WDFY2: variants seen among roughly 807,000 people sequenced by gnomAD.
WDFY2 encodes WD repeat and FYVE domain-containing protein 2.
WDFY2 carries 36 observed loss-of-function variants against 56.4 expected under a neutral mutation model. The ratio of observed to expected loss-of-function variants is 0.64; its 90% CI spans 0.49 to 0.84. The LOEUF is 0.84. WDFY2 is among the 40% of genes least tolerant of loss of function. WDFY2 has a pLI of 0.00. For missense variants in WDFY2, 444 were observed against 512.2 expected (o/e 0.87, Z 1.29); for synonymous variants, 176 against 183.7 (o/e 0.96, Z 0.34).
chr13:51,673,677 C>A (rs1240567983), intron 2 of WDFY2, among the ~76,000 whole-genome samples: 1 of 151,894 alleles, frequency 6.6e-6, no homozygotes, highest in Non-Finnish European at 1.5e-5. Flanking sequence ...GATTATGAGA[C>A]CCGGCATCTT....
chr13:51,715,827 C>T (rs1005294903), intron 4 of WDFY2, among the ~76,000 whole-genome samples: 2 of 152,180 alleles, frequency 1.3e-5, no homozygotes, highest in Non-Finnish European at 2.9e-5. Context: ...AGAACAGCCA[C>T]GCCCTTTCAG....
At chr13:51,643,071 T>A (rs1305538725) in intron 1 of WDFY2, among the ~76,000 whole-genome samples, 3 of 152,214 alleles carry the variant, frequency 2.0e-5, no homozygotes, top group Non-Finnish European at 4.4e-5. Context: ...TCCTTTTTTT[T>A]AAATTGTAAA....
chr13:51,724,231 CTTT>C (rs529903671), intron 5 of WDFY2, among the ~76,000 whole-genome samples: 1 of 107,986 alleles, frequency 9.3e-6, no homozygotes, highest in Admixed American at 9.9e-5. Flanking sequence ...TCTTTTTTAA[CTTT>C]TTTTTTTTTT....
intron 1 of WDFY2, among the ~76,000 whole-genome samples, chr13:51,654,560 T>C (rs552699312): frequency 2.4e-4 from 36 of 152,176 alleles, no homozygotes; most frequent in African/African-American, 7.0e-4. Context: ...AGACTTTTTT[T>C]CCCCCAATAC....
intron 3 of WDFY2, among the ~76,000 whole-genome samples, chr13:51,687,763 A>G (rs1238795836): frequency 6.6e-6 from 1 of 152,162 alleles, no homozygotes; most frequent in African/African-American, 2.4e-5. Flanking sequence ...AAGAAGGATA[A>G]AATGATCTGA....
chr13:51,625,081 C>G (rs1001231525), intron 1 of WDFY2, among the ~76,000 whole-genome samples: 1 of 152,144 alleles, frequency 6.6e-6, no homozygotes, highest in Non-Finnish European at 1.5e-5. Flanking sequence ...TGACAGCTAA[C>G]TAGGTGCAGG....
In WDFY2 at chr13:51,650,550, T is replaced by C. The variant is rs562196726; in HGVS notation, c.138-10046T>C. ...ATTCAGTATGATATTGGCTGTGGGTTTGTCATAAATAGCTCTTATTATTTT... is the reference window on the plus strand; with the variant it reads ...ATTCAGTATGATATTGGCTGTGGGTCTGTCATAAATAGCTCTTATTATTTT... On this transcript the variant is annotated intron_variant, in intron 1 of 11. Transcript: ENST00000298125. Among the ~76,000 whole-genome samples, 167 of 152,130 alleles carry C rather than the reference T, an allele frequency of 1.1e-3. 2 individuals carry two copies. Among genetic ancestry groups the C allele is most frequent in the African/African-American group, 3.9e-3 (163 of 41,406 alleles).
intron 1 of WDFY2, among the ~76,000 whole-genome samples, chr13:51,612,090 A>G (rs1593876569): frequency 6.6e-6 from 1 of 152,236 alleles, no homozygotes; most frequent in East Asian, 1.9e-4. Flanking sequence ...CCTAATTCAT[A>G]TTGATATCAT....
intron 1 of WDFY2, chr13:51,593,816 C>G (rs1954095907): frequency 6.6e-6 from 1 of 152,082 alleles, no homozygotes. Flanking sequence ...TGTTATATAT[C>G]CAGATATATC....
At chr13:51,594,266 C>T (rs778716904) in intron 1 of WDFY2, 2 of 152,082 alleles carry the variant, frequency 1.3e-5, no homozygotes, top group Non-Finnish European at 2.9e-5. Context: ...TTGAAAGTAA[C>T]GCTTTTCCTA....
At chr13:51,708,128 T>C (rs1952127531) in intron 4 of WDFY2, among the ~76,000 whole-genome samples, 1 of 151,480 alleles carries the variant, frequency 6.6e-6, no homozygotes. Flanking sequence ...GCGATCCACC[T>C]GCCTTGGCTT....
At chr13:51,745,950 C>CTTTTCTTTTTCT (rs1306519420) in intron 7 of WDFY2, among the ~76,000 whole-genome samples, 1 of 139,620 alleles carries the variant, frequency 7.2e-6, no homozygotes, top group East Asian at 2.0e-4. Flanking sequence ...TTGCACTGGA[C>CTTTTCTTTTTCT]TTTTCTTTTT....
rs150469036 is a variant in WDFY2, at chr13:51,664,856, A to G, written c.205+4193A>G. 2.6e-5 allele frequency among the ~76,000 whole-genome samples: 4 copies of G among 152,354 alleles called. No individual in the cohort carries two copies. In the East Asian group the frequency reaches 7.7e-4, roughly 29 times the overall value. Reference sequence around the variant, plus strand: ...AAAGGTGAGGGCATGTAAAGAAGGAAAACAAAAAGTAGTATTTGATCTTGT... The same window carrying G: ...AAAGGTGAGGGCATGTAAAGAAGGAGAACAAAAAGTAGTATTTGATCTTGT... On this transcript the variant is annotated intron_variant, in intron 2 of 11. Coordinates refer to ENST00000298125, the MANE Select transcript of WDFY2 (RefSeq NM_052950.4).
At chr13:51,731,051 G>T (rs1015728102) in intron 6 of WDFY2, among the ~76,000 whole-genome samples, 1 of 152,250 alleles carries the variant, frequency 6.6e-6, no homozygotes, top group African/African-American at 2.4e-5. Flanking sequence ...TGGAAAGCTA[G>T]TAGGGAACTG....
At chr13:51,627,825 C>G (rs1954865915) in intron 1 of WDFY2, among the ~76,000 whole-genome samples, 1 of 152,132 alleles carries the variant, frequency 6.6e-6, no homozygotes, top group African/African-American at 2.4e-5. Flanking sequence ...GGTGGGTCAT[C>G]CCATTGTCTG....
chr13:51,620,468 C>A (rs905222537), intron 1 of WDFY2, among the ~76,000 whole-genome samples: 1 of 152,038 alleles, frequency 6.6e-6, no homozygotes, highest in African/African-American at 2.4e-5. Context: ...GGCATGATTC[C>A]CCTCTGGGTC....
At chr13:51,593,733 A>G (rs1954093746) in intron 1 of WDFY2, among the ~76,000 whole-genome samples, 1 of 152,066 alleles carries the variant, frequency 6.6e-6, no homozygotes, top group Admixed American at 6.6e-5. Flanking sequence ...TCTCCATTGA[A>G]GTCTCTTGGT....
Position 51,584,812 on chromosome 13 carries a change from T to G in WDFY2, c.125T>G (p.Val42Gly). 1 of 1,613,766 alleles carries G rather than the reference T, an allele frequency of 6.2e-7. No homozygotes were observed. Among genetic ancestry groups the G allele is most frequent in the Non-Finnish European group, 8.5e-7 (1 of 1,179,776 alleles). ...CCCAAAGAGGAGGGCGTCATCAGCG[T>G]CTCCGAGGACAGGTATGGACTACTG... ...IVPKEEGVISVSEDRTVRVWL... is the reference protein window; with the variant it reads ...IVPKEEGVISGSEDRTVRVWL... Residue 42 changes from valine to glycine, a missense_variant, in exon 1 of 12, where the codon GTC becomes GGC. Physicochemically the swap from Val to Gly is moderately radical, Grantham distance 109. Transcript: ENST00000298125.
In WDFY2 at chr13:51,584,626, T is replaced by A; in HGVS notation, c.-62T>A. 6.4e-7 allele frequency: 1 copy of A among 1,553,124 alleles called. No individual in the cohort carries two copies. Among genetic ancestry groups the A allele is most frequent in the Non-Finnish European group, 8.7e-7 (1 of 1,155,132 alleles). On this transcript the variant is annotated 5_prime_UTR_variant, in exon 1 of 12. Coordinates refer to ENST00000298125, the MANE Select transcript of WDFY2 (RefSeq NM_052950.4). ...TCAACCTGTGTCCGTGCTCCAGCAGTCTCCTCAGCCCGGCCCCGCGGCGCG... is the reference window on the plus strand; with the variant it reads ...TCAACCTGTGTCCGTGCTCCAGCAGACTCCTCAGCCCGGCCCCGCGGCGCG...
Sources: allele counts gnomAD v4.1 joint callset (sites outside exome capture counted in the v4.1 genomes callset), GRCh38; gene constraint gnomAD v4.1.1; transcripts MANE v1.5; gene names NCBI Gene and HGNC (gene_info 2026-07-23, HGNC 2026-07-21).